CBFA2T2: variants seen among roughly 807,000 people sequenced by gnomAD.
The protein encoded by CBFA2T2 is CBFA2/RUNX1 partner transcriptional co-repressor 2.
A neutral mutation model predicts 62.2 loss-of-function variants in CBFA2T2; 11 were observed. The ratio of observed to expected loss-of-function variants is 0.18; its 90% CI spans 0.11 to 0.29. The LOEUF (loss-of-function observed/expected upper bound fraction) is 0.29. Ranked by LOEUF, CBFA2T2 falls within the 10% of genes least tolerant of loss-of-function variation. CBFA2T2 has a pLI of 1.00. For synonymous variants in CBFA2T2, 295 were observed against 287.5 expected, an observed-to-expected ratio of 1.03 and a Z score of -0.27; for missense variants, 592 against 774.1, an observed-to-expected ratio of 0.76 and a Z score of 2.79.
intron 4 of CBFA2T2, among the ~76,000 whole-genome samples, chr20:33,621,600 G>A (rs918621679): frequency 3.9e-5 from 6 of 151,962 alleles, no homozygotes; most frequent in Non-Finnish European, 7.4e-5. Context: ...CGTGCCCAGC[G>A]TCTAATTTTG....
intron 10 of CBFA2T2, among the ~76,000 whole-genome samples, chr20:33,642,195 A>T (rs183237761): frequency 5.9e-4 from 89 of 149,706 alleles, no homozygotes; most frequent in Middle Eastern, 3.4e-3. Flanking sequence ...TTGCCCAGGC[A>T]GGTCTTGAAC....
chr20:33,627,648 A>AT (rs1481491623), intron 6 of CBFA2T2, among the ~76,000 whole-genome samples: 1 of 152,078 alleles, frequency 6.6e-6, no homozygotes, highest in African/African-American at 2.4e-5. Context: ...TTATTACTAC[A>AT]TTTTTTGACA....
intron 5 of CBFA2T2, among the ~76,000 whole-genome samples, chr20:33,624,336 T>TAA (rs11419778): frequency 8.3e-5 from 12 of 143,812 alleles, no homozygotes; most frequent in African/African-American, 2.8e-4. Context: ...TGACTGGCTT[T>TAA]AAAAAAAAAA....
intron 1 of CBFA2T2, among the ~76,000 whole-genome samples, chr20:33,495,364 C>G (rs1384812952): frequency 8.4e-6 from 1 of 119,550 alleles, no homozygotes; most frequent in Non-Finnish European, 1.7e-5. Context: ...CCAGCCTGGG[C>G]AACAAGAGGG....
intron 1 of CBFA2T2, among the ~76,000 whole-genome samples, chr20:33,537,030 C>T (rs1164834106): frequency 6.6e-6 from 1 of 151,996 alleles, no homozygotes; most frequent in Non-Finnish European, 1.5e-5. Context: ...AGGGGCTCCT[C>T]ACGTCCCAGA....
At chr20:33,623,018 C>T (rs1223245103) in intron 4 of CBFA2T2, 97 bp from the exon 5 acceptor site, 6 of 1,160,368 alleles carry the variant, frequency 5.2e-6, no homozygotes, top group Non-Finnish European at 7.4e-6. Context: ...GAGAGAAAGG[C>T]TTTTATCTTG....
chr20:33,525,137 CT>C (rs1216442461), intron 1 of CBFA2T2, among the ~76,000 whole-genome samples: 1 of 147,846 alleles, frequency 6.8e-6, no homozygotes, highest in Admixed American at 6.8e-5. Context: ...CACCCGGCCG[CT>C]TTTTTTGTAA....
At chr20:33,519,011 G>A (rs988413745) in intron 1 of CBFA2T2, among the ~76,000 whole-genome samples, 1 of 151,886 alleles carries the variant, frequency 6.6e-6, no homozygotes, top group African/African-American at 2.4e-5. Flanking sequence ...TAGTAGAGAC[G>A]GGCTGTCTCA....
At chr20:33,644,143 T>C (rs928592661) in intron 10 of CBFA2T2, among the ~76,000 whole-genome samples, 1 of 152,122 alleles carries the variant, frequency 6.6e-6, no homozygotes, top group Non-Finnish European at 1.5e-5. Context: ...AGTAGTTTTC[T>C]TGTTTTACAG....
intron 1 of CBFA2T2, among the ~76,000 whole-genome samples, chr20:33,490,555 C>CAGT (rs752549037): frequency 2.0e-4 from 30 of 152,162 alleles, no homozygotes; most frequent in Non-Finnish European, 1.0e-4. Context: ...GGCCTCGGAA[C>CAGT]TTAGGCCGGG....
At chr20:33,604,145 T>C (rs1042998962) in intron 1 of CBFA2T2, among the ~76,000 whole-genome samples, 59 of 152,210 alleles carry the variant, frequency 3.9e-4, no homozygotes, top group African/African-American at 1.4e-3. Context: ...AAATTGTTGA[T>C]AGTATACCTA....
chr20:33,551,078 G>C (rs1038810223), intron 1 of CBFA2T2, among the ~76,000 whole-genome samples: 1 of 152,112 alleles, frequency 6.6e-6, no homozygotes, highest in Admixed American at 6.6e-5. Flanking sequence ...CTCATTCGAC[G>C]GAAGTGTTCA....
At chr20:33,625,782 TACA>T (rs760809236) in intron 6 of CBFA2T2, among the ~76,000 whole-genome samples, 4 of 152,124 alleles carry the variant, frequency 2.6e-5, no homozygotes, top group Admixed American at 6.5e-5. Context: ...ACCTCATCTC[TACA>T]ACAACAACAA....
intron 1 of CBFA2T2, among the ~76,000 whole-genome samples, chr20:33,578,301 T>C (rs560717732): frequency 7.9e-5 from 12 of 152,290 alleles, no homozygotes; most frequent in Non-Finnish European, 1.6e-4. Flanking sequence ...TTTTTAAAAA[T>C]AGATCCCCCC....
chr20:33,638,277 C>T (rs2016701577), intron 9 of CBFA2T2, among the ~76,000 whole-genome samples: 1 of 152,022 alleles, frequency 6.6e-6, no homozygotes, highest in Non-Finnish European at 1.5e-5. Flanking sequence ...CTGTAATGTG[C>T]CCAGCCACAA....
intron 8 of CBFA2T2, 25 bp from the exon 9 acceptor site, chr20:33,636,615 T>C: frequency 6.3e-7 from 1 of 1,591,268 alleles, no homozygotes. Flanking sequence ...CTTCTGACCC[T>C]ATGCTTTTTA....
At chr20:33,609,282 C>T (rs945133938) in intron 2 of CBFA2T2, among the ~76,000 whole-genome samples, 3 of 152,154 alleles carry the variant, frequency 2.0e-5, no homozygotes, top group Non-Finnish European at 4.4e-5. Flanking sequence ...GGACAGATCA[C>T]TTGAGGTCAG....
At chr20:33,641,254 G>A (rs571113370) in intron 10 of CBFA2T2, among the ~76,000 whole-genome samples, 10 of 152,072 alleles carry the variant, frequency 6.6e-5, no homozygotes, top group South Asian at 6.2e-4. Flanking sequence ...GGATGGTCTC[G>A]ATCTCCTGAC....
intron 1 of CBFA2T2, among the ~76,000 whole-genome samples, chr20:33,551,050 A>G (rs1435888557): frequency 6.6e-6 from 1 of 152,162 alleles, no homozygotes; most frequent in Non-Finnish European, 1.5e-5. Context: ...AAGTATGGAT[A>G]GTTTTCCAGG....
Sources: gnomAD v4.1 joint callset for allele counts (sites outside exome capture counted in the v4.1 genomes callset) on GRCh38, gnomAD v4.1.1 for gene constraint, MANE v1.5 for transcripts, NCBI Gene and HGNC (gene_info 2026-07-23, HGNC 2026-07-21) for gene names.